The following DIP2C variants were observed in gnomAD, a reference collection of about 807,000 sequenced individuals.
DIP2C encodes the protein disco-interacting protein 2 homolog C.
In DIP2C, 33 loss-of-function variants were observed where a neutral mutation model predicts 192.4. That is an observed-to-expected ratio of 0.17 (90% CI 0.13 to 0.23). The LOEUF (loss-of-function observed/expected upper bound fraction) is 0.23, where lower values mean the gene tolerates loss of function less well. DIP2C is among the 10% of genes least tolerant of loss of function. The pLI, the probability that DIP2C is intolerant of heterozygous loss-of-function variation, is 1.00. For missense variants in DIP2C, 1,537 were observed against 2,110.1 expected (o/e 0.73, Z 5.32); for synonymous variants, 979 against 864.1 (o/e 1.13, Z -2.33).
intron 9 of DIP2C, among the ~76,000 whole-genome samples, chr10:400,618 A>G (rs1964342813): frequency 2.0e-5 from 3 of 149,796 alleles, no homozygotes; most frequent in African/African-American, 7.5e-5. Context: ...TCATCAGCAC[A>G]TGAATCCTGT....
chr10:450,387 T>C (rs1353784836), intron 3 of DIP2C, among the ~76,000 whole-genome samples: 5 of 152,222 alleles, frequency 3.3e-5, no homozygotes, highest in Admixed American at 1.3e-4. Flanking sequence ...GATGTTTACG[T>C]ATCAATTACA....
At chr10:296,644 C>T (rs568016268) in intron 32 of DIP2C, among the ~76,000 whole-genome samples, 187 of 152,082 alleles carry the variant, frequency 1.2e-3, no homozygotes, top group African/African-American at 4.3e-3. Flanking sequence ...AACCCAAATG[C>T]CCATCAATGA....
At position 547,911 on chromosome 10, in the gene DIP2C, G is replaced by A. The variant is rs1358003130; in HGVS notation, c.86-61381C>T. Among the ~76,000 whole-genome samples, 5 of 152,260 alleles carry A rather than the reference G, an allele frequency of 3.3e-5. No homozygotes were observed. In the East Asian group the frequency reaches 7.7e-4, roughly 24 times the overall value. ...CACCACCCCACCCGCAGCTGCTGAT[G>A]GCTTGGGTCACCCTTATCTCTCATT... On this transcript the variant is annotated intron_variant, in intron 1 of 36. Transcript: ENST00000280886.
intron 14 of DIP2C, among the ~76,000 whole-genome samples, chr10:385,848 G>A (rs906872597): frequency 4.6e-5 from 7 of 152,156 alleles, no homozygotes; most frequent in African/African-American, 1.7e-4. Flanking sequence ...GATTTGGGAA[G>A]CTCCAGATGA....
At chr10:420,814 G>T (rs1350706668) in intron 5 of DIP2C, among the ~76,000 whole-genome samples, 1 of 152,164 alleles carries the variant, frequency 6.6e-6, no homozygotes, top group African/African-American at 2.4e-5. Flanking sequence ...TGAGTCTGCA[G>T]CCCTGGGCTT....
At chr10:344,947 C>G (rs147326517) in intron 27 of DIP2C, 29 bp from the exon 28 acceptor site, 1 of 1,603,864 alleles carries the variant, frequency 6.2e-7, no homozygotes, top group African/African-American at 1.3e-5. Context: ...ATCAGCAGAT[C>G]CAGCCTGAGC....
intron 1 of DIP2C, among the ~76,000 whole-genome samples, chr10:503,849 C>T (rs1350020716): frequency 6.6e-6 from 1 of 152,190 alleles, no homozygotes; most frequent in Non-Finnish European, 1.5e-5. Flanking sequence ...AAATCTCTGC[C>T]GCCTACATCA....
rs369507202 is a variant in DIP2C, at chr10:370,128, C to T, written c.1992-495G>A. ...TCAATTCAGATGCAGACTGCCTGGG[C>T]GTATGCCCAATTTTATAAGAATCTA... On this transcript the variant is annotated intron_variant, in intron 17 of 36. Transcript: ENST00000280886. 1.1e-5 allele frequency: 9 copies of T among 793,280 alleles called. No homozygotes were observed. In the East Asian group the frequency reaches 6.3e-4, roughly 56 times the overall value. The allele number at this position is 793,280 out of a possible 1,614,324, so 49.1% of individuals were successfully genotyped here.
Position 356,518 on chromosome 10 carries a change from C to A in DIP2C, c.2905-12G>T, listed in dbSNP as rs766338195. Reference sequence around the variant, plus strand: ...GAGAGGAACAGGAACTGGAACAGAGCACGGGCATGAGGATCAGGCTGTGCG... The same window carrying A: ...GAGAGGAACAGGAACTGGAACAGAGAACGGGCATGAGGATCAGGCTGTGCG... On this transcript the variant is annotated splice_polypyrimidine_tract_variant and intron_variant, in intron 23 of 36. Coordinates refer to ENST00000280886, the MANE Select transcript of DIP2C (RefSeq NM_014974.3). 1 of 1,607,752 alleles carries A rather than the reference C, an allele frequency of 6.2e-7. No individual in the cohort carries two copies. The highest frequency in any genetic ancestry group is 8.5e-7 in the Non-Finnish European group (1 of 1,176,798).
Position 398,994 on chromosome 10 carries a change from C to G in DIP2C, c.1260+115G>C. The G allele has an allele frequency of 2.0e-5, 17 of 870,020 alleles. No homozygotes were observed. The South Asian group carries it at 2.7e-4, about 14-fold the overall frequency. The allele number at this position is 870,020 out of a possible 1,614,324, so 53.9% of individuals were successfully genotyped here. On this transcript the variant is annotated intron_variant, in intron 10 of 36. Transcript: ENST00000280886. ...GCGACCGCATCCCTTATCGAGGCAA[C>G]CGAAGGAAACCCAGGGCCCCAGAAA... is the stretch of plus-strand genomic sequence containing the variant.
chr10:464,389 A>G (rs1036017615), intron 3 of DIP2C, among the ~76,000 whole-genome samples: 1 of 152,208 alleles, frequency 6.6e-6, no homozygotes, highest in Non-Finnish European at 1.5e-5. Context: ...CTTAGAAAAA[A>G]AAAAAAGCTC....
chr10:323,643 A>C (rs1445340644), intron 31 of DIP2C, among the ~76,000 whole-genome samples: 1 of 152,226 alleles, frequency 6.6e-6, no homozygotes, highest in African/African-American at 2.4e-5. Flanking sequence ...CAAATGATTA[A>C]TTGTGATTAT....
At chr10:515,497 C>A (rs1305777405) in intron 1 of DIP2C, among the ~76,000 whole-genome samples, 2 of 152,136 alleles carry the variant, frequency 1.3e-5, no homozygotes, top group Middle Eastern at 3.4e-3. Flanking sequence ...CCAAAGTGGG[C>A]CAATCACTTG....
chr10:333,192 C>A (rs147064099), intron 29 of DIP2C, among the ~76,000 whole-genome samples: 282 of 152,268 alleles, frequency 1.9e-3, no homozygotes, highest in African/African-American at 6.5e-3. Context: ...CATGAGCCAC[C>A]GCACCCGGCC....
At chr10:658,270 C>A (rs1220064957) in intron 1 of DIP2C, among the ~76,000 whole-genome samples, 5 of 145,446 alleles carry the variant, frequency 3.4e-5, no homozygotes, top group African/African-American at 1.0e-4. Flanking sequence ...GCTGGACCTG[C>A]CCCTGGACCT....
chr10:417,756 A>ACCTGCACCTGTCAGGGCTCGGATAGGCC lies in DIP2C; in HGVS notation c.739+1308_739+1309insGGCCTATCCGAGCCCTGACAGGTGCAGG, dbSNP rs1226474253. ...TGCGCCTGTCAGGGCTCGGATAGGCATCCCTGTCCACCTGCACCTGTCAGG... is the reference window on the plus strand; with the variant it reads ...TGCGCCTGTCAGGGCTCGGATAGGCACCTGCACCTGTCAGGGCTCGGATAGGCCTCCCTGTCCACCTGCACCTGTCAGG... On this transcript the variant is annotated intron_variant, in intron 6 of 36. Transcript: ENST00000280886. 1.0e-4 allele frequency among the ~76,000 whole-genome samples: 2 copies of ACCTGCACCTGTCAGGGCTCGGATAGGCC among 20,042 alleles called. 1 individual carries two copies. The highest frequency in any genetic ancestry group is 3.4e-3 in the South Asian group (2 of 580). 13.1% of individuals were successfully genotyped at this position (20,042 alleles called of 152,430 possible).
chr10:331,353 G>A (rs1371883651), intron 29 of DIP2C, among the ~76,000 whole-genome samples: 7 of 152,284 alleles, frequency 4.6e-5, no homozygotes, highest in East Asian at 1.9e-4. Context: ...TGACAAAGGC[G>A]TTTTTGGGCA....
chr10:585,540 A>ATGTGTGT (rs1850966502), intron 1 of DIP2C, among the ~76,000 whole-genome samples: 1 of 152,188 alleles, frequency 6.6e-6, no homozygotes, highest in Non-Finnish European at 1.5e-5. Context: ...CACATCCTGA[A>ATGTGTGT]GCTCCAACAC....
intron 1 of DIP2C, among the ~76,000 whole-genome samples, chr10:490,451 C>T (rs568520208): frequency 4.6e-5 from 7 of 152,306 alleles, no homozygotes; most frequent in African/African-American, 1.4e-4. Flanking sequence ...TCATATTTCC[C>T]CAAACCTGGA....
Sources: gnomAD v4.1 joint callset for allele counts (sites outside exome capture counted in the v4.1 genomes callset) on GRCh38, gnomAD v4.1.1 for gene constraint, MANE v1.5 for transcripts, NCBI Gene and HGNC (gene_info 2026-07-23, HGNC 2026-07-21) for gene names.